The following AAK1 variants were observed in gnomAD, a reference collection of about 807,000 sequenced individuals.
AAK1 encodes AP2 associated kinase 1, also known as AP2-associated protein kinase 1.
A neutral mutation model predicts 116.0 loss-of-function variants in AAK1; 37 were observed. The observed-to-expected ratio is 0.32, with a 90% confidence interval of 0.25 to 0.42. The LOEUF (loss-of-function observed/expected upper bound fraction) is 0.42, where lower values mean the gene tolerates loss of function less well. Among genes scored for constraint, AAK1 ranks in the 10% least tolerant of loss-of-function variants. AAK1 has a pLI of 1.00. For missense variants in AAK1, 919 were observed against 1,170.6 expected (o/e 0.79, Z 3.14); for synonymous variants, 458 against 439.9 (o/e 1.04, Z -0.51).
intron 2 of AAK1, among the ~76,000 whole-genome samples, chr2:69,623,827 A>T (rs1363736023): frequency 6.6e-6 from 1 of 152,192 alleles, no homozygotes; most frequent in Non-Finnish European, 1.5e-5. Flanking sequence ...ACAAAAATTT[A>T]AAATATCTGC....
At chr2:69,546,610 G>C (rs1670934436) in intron 3 of AAK1, among the ~76,000 whole-genome samples, 3 of 152,172 alleles carry the variant, frequency 2.0e-5, no homozygotes, top group Admixed American at 2.0e-4. Context: ...CTCATCCTAA[G>C]AGGAATAATA....
chr2:69,494,641 T>C (rs915828647), intron 17 of AAK1, among the ~76,000 whole-genome samples: 1 of 152,120 alleles, frequency 6.6e-6, no homozygotes, highest in Non-Finnish European at 1.5e-5. Flanking sequence ...CCCACACTTT[T>C]CTAACCTTCT....
intron 18 of AAK1, chr2:69,481,352 A>G (rs1384120161): frequency 6.5e-6 from 1 of 154,138 alleles, no homozygotes; most frequent in African/African-American, 2.4e-5. Context: ...TAAGCCGCTC[A>G]GCAAACCTCT....
chr2:69,615,669 T>C (rs886096768), intron 2 of AAK1, among the ~76,000 whole-genome samples: 1 of 152,250 alleles, frequency 6.6e-6, no homozygotes, highest in African/African-American at 2.4e-5. Flanking sequence ...AGCAAGAAAC[T>C]GTGACAGTCA....
intron 2 of AAK1, among the ~76,000 whole-genome samples, chr2:69,602,941 T>C (rs1014817952): frequency 2.6e-5 from 4 of 152,214 alleles, no homozygotes; most frequent in African/African-American, 9.6e-5. Flanking sequence ...AAGAAAACTA[T>C]GTATTATCCC....
intron 16 of AAK1, chr2:69,499,745 G>C (rs1418738231): frequency 1.3e-5 from 2 of 151,948 alleles, no homozygotes; most frequent in African/African-American, 4.8e-5. Flanking sequence ...ATATTTAAAA[G>C]AAAAAAAGCA....
chr2:69,521,302 G>T (rs1669767250), intron 10 of AAK1, among the ~76,000 whole-genome samples: 1 of 152,176 alleles, frequency 6.6e-6, no homozygotes, highest in Non-Finnish European at 1.5e-5. Context: ...GCATTCTCAA[G>T]CTTATTTCTT....
rs1482933517 is a variant in AAK1 at position 69,474,762 on chromosome 2, A to AT, written c.*1106dup. The AT allele has an allele frequency of 1.0e-6, 1 of 985,718 alleles. No homozygotes were observed. Among genetic ancestry groups the AT allele is most frequent in the Non-Finnish European group, 1.2e-6 (1 of 829,918 alleles). 61.1% of individuals were successfully genotyped at this position (985,718 alleles called of 1,614,324 possible). On this transcript the variant is annotated 3_prime_UTR_variant, in exon 22 of 22. Transcript: ENST00000409085. The stretch of plus-strand genomic sequence containing the variant: ...ACACAAGTCTATTCAAAATGATTCC[A>AT]TATGTTACACTGTAGGATTGTTGTG...
intron 2 of AAK1, among the ~76,000 whole-genome samples, chr2:69,574,618 T>C (rs1422048796): frequency 6.6e-6 from 1 of 150,622 alleles, no homozygotes; most frequent in Non-Finnish European, 1.5e-5. Context: ...GATATTTGGC[T>C]TAAAAAAAAA....
intron 2 of AAK1, among the ~76,000 whole-genome samples, chr2:69,617,198 A>G (rs1417628817): frequency 2.0e-5 from 3 of 152,236 alleles, no homozygotes; most frequent in Non-Finnish European, 4.4e-5. Context: ...AAACAGGGTA[A>G]CAGGTGAAAT....
chr2:69,553,678 G>A (rs1321816392), intron 3 of AAK1, among the ~76,000 whole-genome samples: 2 of 151,664 alleles, frequency 1.3e-5, no homozygotes, highest in Admixed American at 1.3e-4. Flanking sequence ...TCCTGACCTC[G>A]TGATCTGCCC....
At chr2:69,505,740 G>A (rs913577381) in intron 15 of AAK1, 67 bp from the exon 16 acceptor site, 1 of 1,236,410 alleles carries the variant, frequency 8.1e-7, no homozygotes, top group East Asian at 2.4e-5. Flanking sequence ...ACATGGCAGA[G>A]GTAAGGGGCA....
At chr2:69,594,677 AT>A (rs911512887) in intron 2 of AAK1, 40 of 582,688 alleles carry the variant, frequency 6.9e-5, no homozygotes, top group Admixed American at 9.0e-5. Flanking sequence ...TCTTGAAGGA[AT>A]TTTTTTTAAG....
At chr2:69,574,396 A>C (rs982718775) in intron 2 of AAK1, among the ~76,000 whole-genome samples, 2 of 151,016 alleles carry the variant, frequency 1.3e-5, no homozygotes, top group Non-Finnish European at 3.0e-5. Flanking sequence ...AAAAAAAAAA[A>C]AAAGAGAAGA....
intron 20 of AAK1, chr2:69,478,594 C>T (rs1392662288): frequency 1.3e-5 from 3 of 236,040 alleles, no homozygotes; most frequent in African/African-American, 2.4e-5. Flanking sequence ...CTGGTACCAC[C>T]GGTGCATGCT....
At chr2:69,507,644 C>T in intron 14 of AAK1, 66 bp from the exon 15 acceptor site, 2 of 1,345,512 alleles carry the variant, frequency 1.5e-6, no homozygotes, top group African/African-American at 1.5e-5. Context: ...AAAGGGTCAA[C>T]TTATTTTCTC....
At chr2:69,625,050 G>A (rs370081073) in intron 2 of AAK1, among the ~76,000 whole-genome samples, 6 of 152,306 alleles carry the variant, frequency 3.9e-5, no homozygotes, top group Non-Finnish European at 7.4e-5. Flanking sequence ...ATGGTAAGCC[G>A]TTATCTCTTC....
chr2:69,545,658 G>A (rs566939982), intron 3 of AAK1, among the ~76,000 whole-genome samples: 23 of 152,328 alleles, frequency 1.5e-4, no homozygotes, highest in African/African-American at 5.3e-4. Flanking sequence ...GGGCATCAAA[G>A]TTAAAACTCA....
intron 5 of AAK1, among the ~76,000 whole-genome samples, chr2:69,541,951 T>C (rs147151226): frequency 5.3e-5 from 8 of 152,324 alleles, no homozygotes; most frequent in African/African-American, 1.9e-4. Flanking sequence ...TCCTCAACTA[T>C]AAAACGTAAC....
Sources: allele counts gnomAD v4.1 joint callset (sites outside exome capture counted in the v4.1 genomes callset), GRCh38; gene constraint gnomAD v4.1.1; transcripts MANE v1.5; gene names NCBI Gene and HGNC (gene_info 2026-07-23, HGNC 2026-07-21).